The following HMBOX1 variants were observed in gnomAD, a reference collection of about 807,000 sequenced individuals.
The protein encoded by HMBOX1 is homeobox-containing protein 1.
In HMBOX1, 14 loss-of-function variants were observed where a neutral mutation model predicts 54.5. That is an observed-to-expected ratio of 0.26 (90% confidence interval 0.17 to 0.40). The LOEUF (loss-of-function observed/expected upper bound fraction) is 0.40. Among genes scored for constraint, HMBOX1 ranks in the 10% least tolerant of loss-of-function variants. HMBOX1 has a pLI of 1.00. For missense variants in HMBOX1, 332 were observed against 514.4 expected (o/e 0.65, Z 3.43); for synonymous variants, 160 against 181.0 (o/e 0.88, Z 0.93).
chr8:29,013,963 C>T (rs1834586327), intron 5 of HMBOX1, among the ~76,000 whole-genome samples: 2 of 152,150 alleles, frequency 1.3e-5, no homozygotes. Context: ...TCAGAAGAAA[C>T]ATCCAGTCCT....
In HMBOX1 at chr8:28,970,472, C is replaced by A; in HGVS notation, c.453C>A (p.Ala151=). ...GTCAGAGGTCATACAGTTTTGAAGC[C>A]TCAGAAGAGGACCTAGATGTAGATG... ...SMGQRSYSFE[A]SEEDLDVDDK... Residue 151 remains alanine (A), a synonymous_variant, in exon 3 of 10, where the codon GCC becomes GCA. Transcript: ENST00000287701. This position sits in a 1 kb window ranked among gnomAD's most constrained non-coding sequence, Gnocchi z 4.3. 6.2e-7 allele frequency: 1 copy of A among 1,612,670 alleles called. No homozygotes were observed. The highest frequency in any genetic ancestry group is 1.3e-5 in the African/African-American group (1 of 75,002).
intron 1 of HMBOX1, among the ~76,000 whole-genome samples, chr8:28,916,469 T>C (rs548067771): frequency 5.9e-5 from 9 of 152,332 alleles, no homozygotes; most frequent in African/African-American, 2.2e-4. Context: ...GTGACCCATT[T>C]TGAGTTAATG....
chr8:28,974,650 T>C (rs1247938319), intron 3 of HMBOX1, among the ~76,000 whole-genome samples: 1 of 152,208 alleles, frequency 6.6e-6, no homozygotes, highest in Non-Finnish European at 1.5e-5. Context: ...GGTCATGATC[T>C]CCAGTTACTA....
At chr8:28,992,472 T>A in intron 4 of HMBOX1, among the ~76,000 whole-genome samples, 1 of 152,194 alleles carries the variant, frequency 6.6e-6, no homozygotes, top group Non-Finnish European at 1.5e-5. Context: ...ACCATAAGTT[T>A]TATAGCTTTG....
At chr8:29,016,563 T>C (rs897115980) in intron 5 of HMBOX1, among the ~76,000 whole-genome samples, 1 of 152,236 alleles carries the variant, frequency 6.6e-6, no homozygotes, top group African/African-American at 2.4e-5. Context: ...ATAGTTTTCA[T>C]AGATCAGGAA....
chr8:29,039,098 C>T (rs535620453), intron 6 of HMBOX1, among the ~76,000 whole-genome samples: 10 of 152,292 alleles, frequency 6.6e-5, no homozygotes, highest in Admixed American at 6.5e-4. Context: ...CTCTCTGCTA[C>T]TGCAGTACTG....
chr8:28,985,761 A>G (rs1830061570), intron 4 of HMBOX1, among the ~76,000 whole-genome samples: 1 of 152,218 alleles, frequency 6.6e-6, no homozygotes, highest in South Asian at 2.1e-4. Flanking sequence ...TTAAGATCAG[A>G]CATTAAAAAT....
intron 1 of HMBOX1, among the ~76,000 whole-genome samples, chr8:28,954,214 CTT>C (rs1161456708): frequency 6.6e-6 from 1 of 151,938 alleles, no homozygotes; most frequent in Non-Finnish European, 1.5e-5. Flanking sequence ...CTATTTTAAA[CTT>C]TTTTGGTTTT....
chr8:28,926,234 G>T (rs1044311335), intron 1 of HMBOX1, among the ~76,000 whole-genome samples: 2 of 151,508 alleles, frequency 1.3e-5, no homozygotes, highest in African/African-American at 4.9e-5. Context: ...GTTTGAGGCT[G>T]CAGTGTGACT....
chr8:29,013,660 T>A (rs1834533571), intron 5 of HMBOX1, among the ~76,000 whole-genome samples: 1 of 152,230 alleles, frequency 6.6e-6, no homozygotes, highest in Non-Finnish European at 1.5e-5. Flanking sequence ...TAAAATAGGC[T>A]GATGGAAACT....
At chr8:28,938,638 G>C (rs927322201) in intron 1 of HMBOX1, among the ~76,000 whole-genome samples, 3 of 151,176 alleles carry the variant, frequency 2.0e-5, no homozygotes, top group Non-Finnish European at 2.9e-5. Flanking sequence ...GGTAGAGACA[G>C]GGTCTCGCTA....
chr8:28,931,620 C>G (rs1819482914), intron 1 of HMBOX1, among the ~76,000 whole-genome samples: 1 of 152,146 alleles, frequency 6.6e-6, no homozygotes, highest in Non-Finnish European at 1.5e-5. Flanking sequence ...CATCTCACTG[C>G]AGCCTCTACC....
chr8:28,908,959 G>A (rs546910009), intron 1 of HMBOX1, among the ~76,000 whole-genome samples: 5 of 151,898 alleles, frequency 3.3e-5, no homozygotes, highest in African/African-American at 7.3e-5. Flanking sequence ...AATTAGCTGC[G>A]TGTAGTGGTT....
chr8:28,917,066 CAA>C (rs35179018), intron 1 of HMBOX1, among the ~76,000 whole-genome samples: 44 of 70,936 alleles, frequency 6.2e-4, no homozygotes, highest in Admixed American at 4.7e-4. Flanking sequence ...GACCCTGTCT[CAA>C]AAAAAAAAAA....
chr8:28,942,783 T>C (rs1262886420), intron 1 of HMBOX1, among the ~76,000 whole-genome samples: 2 of 152,224 alleles, frequency 1.3e-5, no homozygotes, highest in African/African-American at 2.4e-5. Flanking sequence ...AGGGTGTTTC[T>C]GATCTTTTGG....
chr8:28,899,797 A>G (rs1003591127), intron 1 of HMBOX1, among the ~76,000 whole-genome samples: 1 of 152,202 alleles, frequency 6.6e-6, no homozygotes, highest in African/African-American at 2.4e-5. Context: ...GTACAAGTCA[A>G]GGATAGGCAA....
At chr8:29,013,282 C>T (rs944668936) in intron 5 of HMBOX1, among the ~76,000 whole-genome samples, 3 of 152,226 alleles carry the variant, frequency 2.0e-5, no homozygotes, top group East Asian at 1.9e-4. Context: ...ATTACAGGCA[C>T]GTGCCGCCAC....
At chr8:28,972,923 T>C (rs1010069532) in intron 3 of HMBOX1, among the ~76,000 whole-genome samples, 2 of 152,262 alleles carry the variant, frequency 1.3e-5, no homozygotes, top group Non-Finnish European at 2.9e-5. Context: ...TACTTTGTTA[T>C]CAGTATTTAT....
chr8:28,984,100 G>T (rs1829824518), intron 4 of HMBOX1, among the ~76,000 whole-genome samples: 1 of 152,162 alleles, frequency 6.6e-6, no homozygotes, highest in Non-Finnish European at 1.5e-5. Flanking sequence ...GTGAGTCTGA[G>T]TATGGAAGCC....
Sources: allele counts gnomAD v4.1 joint callset (sites outside exome capture counted in the v4.1 genomes callset), GRCh38; gene constraint gnomAD v4.1.1; non-coding constraint Gnocchi (gnomAD v3.1); transcripts MANE v1.5; gene names NCBI Gene and HGNC (gene_info 2026-07-23, HGNC 2026-07-21).